Variants in IL1R1 observed in about 807,000 individuals in gnomAD.
The protein encoded by IL1R1 is interleukin 1 receptor type 1.
A neutral mutation model predicts 50.2 loss-of-function variants in IL1R1; 22 were observed. The observed-to-expected ratio is 0.44, with a 90% confidence interval of 0.31 to 0.63. IL1R1 has a LOEUF of 0.63. Ranked by LOEUF, IL1R1 falls within the 20% of genes least tolerant of loss-of-function variation. The pLI, the probability that IL1R1 is intolerant of heterozygous loss-of-function variation, is 0.07. For missense variants in IL1R1, 509 were observed against 676.2 expected, an observed-to-expected ratio of 0.75 and a Z score of 2.74; for synonymous variants, 251 against 236.7, an observed-to-expected ratio of 1.06 and a Z score of -0.55.
chr2:102,143,085 T>A (rs1375277778), intron 1 of IL1R1, 65 bp downstream of exon 1: 1 of 152,288 alleles, frequency 6.6e-6, no homozygotes, highest in Non-Finnish European at 1.5e-5. Context: ...CTTGACACCT[T>A]CGAGTCCCCC....
chr2:102,075,891 C>T (rs1278430152), intron 1 of IL1R1, among the ~76,000 whole-genome samples: 2 of 152,148 alleles, frequency 1.3e-5, no homozygotes, highest in Non-Finnish European at 2.9e-5. Flanking sequence ...CATAGAGCTT[C>T]CCAACTTATC....
exon 1 of IL1R1, chr2:102,104,835 G>A (rs1680314946): frequency 6.6e-6 from 1 of 152,192 alleles, no homozygotes; most frequent in African/African-American, 2.4e-5. Flanking sequence ...TGGGAGGCCA[G>A]CCATTCCCAA....
intron 5 of IL1R1, 118 bp downstream of exon 5, chr2:102,165,422 G>C (rs1196303151): frequency 2.0e-6 from 1 of 492,816 alleles, no homozygotes; most frequent in African/African-American, 2.0e-5. Flanking sequence ...CTTTAATGGT[G>C]AAACTTGATA....
intron 5 of IL1R1, 127 bp from the exon 6 acceptor site, chr2:102,165,986 G>C (rs1685149061): frequency 1.4e-6 from 1 of 722,218 alleles, no homozygotes; most frequent in Admixed American, 2.9e-5. Flanking sequence ...TATATGTAAG[G>C]AACTTTTCCA....
Position 102,099,330 on chromosome 2 carries a change from G to T in IL1R1, c.-84+28797G>T, listed in dbSNP as rs898698414. On this transcript the variant is annotated intron_variant, in intron 1 of 11. Coordinates refer to the IL1R1 transcript ENST00000409929. ...TAGAAGCAGTTTCCATTGGATGTTC[G>T]TACCCATCCAGTGGCCTTTGTTTGA... 2.0e-5 allele frequency among the ~76,000 whole-genome samples: 3 copies of T among 152,190 alleles called. No individual in the cohort carries two copies. The East Asian group carries it at 5.8e-4, about 29-fold the overall frequency.
At chr2:102,106,413 T>A (rs563514262) in intron 1 of IL1R1, among the ~76,000 whole-genome samples, 3 of 152,222 alleles carry the variant, frequency 2.0e-5, no homozygotes, top group African/African-American at 7.2e-5. Context: ...AAGATTCTTA[T>A]GGCCTTTCCT....
At chr2:102,155,991 G>A (rs3917237) in intron 2 of IL1R1, among the ~76,000 whole-genome samples, 2,718 of 152,286 alleles carry the variant, frequency 0.018, 80 homozygotes, top group African/African-American at 0.061. Flanking sequence ...GACAAGCCAG[G>A]TCTTGTGACT....
Position 102,176,635 on chromosome 2 carries a change from G to A in IL1R1, c.1586G>A (p.Arg529Lys), listed in dbSNP as rs140598103. ...CAGGGACCACAGTCTGCAAAGACAA[G>A]GTTCTGGAAGAATGTCAGGTACCAC... ...FTQGPQSAKT[R>K]FWKNVRYHMP... The change falls in exon 12 of 12, where the codon AGG becomes AAG. Residue 529 changes from arginine (R) to lysine (K), a missense_variant. By Grantham distance (26) the Arg-to-Lys change is conservative. Transcript: ENST00000410023. 6.2e-7 allele frequency: 1 copy of A among 1,614,198 alleles called. No individual in the cohort carries two copies. Among genetic ancestry groups the A allele is most frequent in the Non-Finnish European group, 8.5e-7 (1 of 1,180,030 alleles).
intron 1 of IL1R1, among the ~76,000 whole-genome samples, chr2:102,094,083 A>G (rs967382342): frequency 1.3e-5 from 2 of 152,256 alleles, no homozygotes; most frequent in African/African-American, 4.8e-5. Context: ...AGAAGTGACT[A>G]CAAAATACTA....
In IL1R1 at chr2:102,178,479, T is replaced by A. The variant is rs1008542860; in HGVS notation, c.*1720T>A. ...TATATAGAGAAAGTGACCTATTTTT[T>A]AAAAAAATCACACTCTAAGTTCTAT... is the stretch of plus-strand genomic sequence containing the variant. On this transcript the variant is annotated 3_prime_UTR_variant, in exon 12 of 12. Coordinates refer to ENST00000410023, the MANE Select transcript of IL1R1 (RefSeq NM_000877.4). 3.9e-5 allele frequency: 6 copies of A among 152,248 alleles called. No homozygotes were observed. Among genetic ancestry groups the A allele is most frequent in the Non-Finnish European group, 7.4e-5 (5 of 68,024 alleles). The allele number at this position is 152,248 out of a possible 1,614,324, so 9.4% of individuals were successfully genotyped here.
At chr2:102,116,762 T>A (rs1359135176) in intron 1 of IL1R1, among the ~76,000 whole-genome samples, 1 of 152,200 alleles carries the variant, frequency 6.6e-6, no homozygotes, top group African/African-American at 2.4e-5. Flanking sequence ...TCCTTCCTCT[T>A]GGGTTCACTT....
At chr2:102,075,038 C>T (rs955351731) in intron 1 of IL1R1, among the ~76,000 whole-genome samples, 2 of 151,980 alleles carry the variant, frequency 1.3e-5, no homozygotes, top group East Asian at 1.9e-4. Flanking sequence ...ATTCTTTATA[C>T]ATTTTTCTCT....
At chr2:102,158,647 G>A (rs1399139177) in intron 3 of IL1R1, among the ~76,000 whole-genome samples, 1 of 152,186 alleles carries the variant, frequency 6.6e-6, no homozygotes, top group East Asian at 1.9e-4. Context: ...AAGTCATAAG[G>A]GACCAGGCTG....
At chr2:102,153,684 C>T (rs1490353988) in intron 1 of IL1R1, among the ~76,000 whole-genome samples, 1 of 152,148 alleles carries the variant, frequency 6.6e-6, no homozygotes, top group Non-Finnish European at 1.5e-5. Context: ...GCACTTCCCC[C>T]CTTGCTCTCT....
In IL1R1 at chr2:102,174,712, G is replaced by A. The variant is rs769820748; in HGVS notation, c.1117G>A (p.Asp373Asn). ...IVLWYRDSCY[D>N]FLPIKASDGK... Reference sequence around the variant, plus strand: ...GCTTTGGTACAGGGATTCCTGCTATGATTTTCTCCCAATAAAAGGTATAAT... The same window carrying A: ...GCTTTGGTACAGGGATTCCTGCTATAATTTTCTCCCAATAAAAGGTATAAT... The change falls in exon 10 of 12, where the codon GAT (aspartate) becomes AAT (asparagine). Residue 373 changes from aspartate (D) to asparagine (N), a missense_variant. Coordinates refer to ENST00000410023, the MANE Select transcript of IL1R1 (RefSeq NM_000877.4). 6.2e-7 allele frequency: 1 copy of A among 1,608,014 alleles called. No homozygotes were observed. The highest frequency in any genetic ancestry group is 1.1e-5 in the South Asian group (1 of 89,468).
chr2:102,167,670 G>T (rs1296588058), intron 6 of IL1R1, among the ~76,000 whole-genome samples: 1 of 151,656 alleles, frequency 6.6e-6, no homozygotes, highest in Admixed American at 6.6e-5. Flanking sequence ...GGATGGTCTC[G>T]ATCTCCTGAC....
intron 7 of IL1R1, 143 bp downstream of exon 7, chr2:102,168,806 T>G: frequency 3.3e-6 from 2 of 607,382 alleles, no homozygotes; most frequent in Non-Finnish European, 5.8e-6. Flanking sequence ...AGACAAATTA[T>G]ATCTTAATTT....
chr2:102,084,138 T>C (rs1264536457), intron 1 of IL1R1, among the ~76,000 whole-genome samples: 1 of 152,160 alleles, frequency 6.6e-6, no homozygotes, highest in African/African-American at 2.4e-5. Context: ...GTAGCAGTTA[T>C]AATGTGAGGC....
intron 1 of IL1R1, among the ~76,000 whole-genome samples, chr2:102,087,325 G>A (rs779525020): frequency 6.6e-6 from 1 of 152,152 alleles, no homozygotes; most frequent in Non-Finnish European, 1.5e-5. Flanking sequence ...AATTAACCAT[G>A]CCACAGCGAT....
Sources: gnomAD v4.1 joint callset for allele counts (sites outside exome capture counted in the v4.1 genomes callset) on GRCh38, gnomAD v4.1.1 for gene constraint, MANE v1.5 for transcripts, NCBI Gene and HGNC (gene_info 2026-07-23, HGNC 2026-07-21) for gene names.